Variants in BMPR1B observed in about 807,000 individuals in gnomAD.
The protein encoded by BMPR1B is bone morphogenetic protein receptor type-1B.
A neutral mutation model predicts 59.1 loss-of-function variants in BMPR1B; 12 were observed. The observed-to-expected ratio is 0.20, with a 90% confidence interval of 0.13 to 0.33. BMPR1B has a LOEUF of 0.33. Ranked by LOEUF, BMPR1B falls within the 10% of genes least tolerant of loss-of-function variation. The pLI is 1.00. For synonymous variants in BMPR1B, 237 were observed against 207.3 expected (o/e 1.14, Z -1.23); for missense variants, 550 against 610.9 (o/e 0.90, Z 1.05).
At chr4:94,929,525 CTG>C (rs891773492) in intron 2 of BMPR1B, among the ~76,000 whole-genome samples, 77 of 152,096 alleles carry the variant, frequency 5.1e-4, no homozygotes, top group Non-Finnish European at 2.1e-4. Flanking sequence ...CTTCTCAAAA[CTG>C]TGTTTTCTGG....
chr4:95,133,847 G>A (rs1434121004), intron 10 of BMPR1B, among the ~76,000 whole-genome samples: 1 of 151,352 alleles, frequency 6.6e-6, no homozygotes, highest in Admixed American at 6.6e-5. Context: ...TGGGATTATA[G>A]GCATGAGCCA....
chr4:95,037,356 CT>C (rs1305556876), intron 3 of BMPR1B, among the ~76,000 whole-genome samples: 2 of 152,128 alleles, frequency 1.3e-5, no homozygotes, highest in African/African-American at 4.8e-5. Context: ...AGTATTTTCC[CT>C]GGTAGATGAA....
intron 1 of BMPR1B, among the ~76,000 whole-genome samples, chr4:94,799,961 G>T (rs1723345047): frequency 1.3e-5 from 2 of 151,386 alleles, no homozygotes; most frequent in South Asian, 4.2e-4. Flanking sequence ...AAGTGGTGAG[G>T]TTACAGGCAT....
At chr4:94,914,041 G>A (rs1728386745) in intron 2 of BMPR1B, among the ~76,000 whole-genome samples, 1 of 152,136 alleles carries the variant, frequency 6.6e-6, no homozygotes, top group Admixed American at 6.6e-5. Flanking sequence ...GTGATAGGAA[G>A]GAGGTAGATA....
chr4:95,136,275 G>A (rs1213573108), intron 10 of BMPR1B, among the ~76,000 whole-genome samples: 1 of 152,168 alleles, frequency 6.6e-6, no homozygotes, highest in Non-Finnish European at 1.5e-5. Context: ...GATCATGGTG[G>A]ATAAGCTTTT....
intron 1 of BMPR1B, among the ~76,000 whole-genome samples, chr4:94,841,311 C>G (rs1280802390): frequency 6.7e-6 from 1 of 148,276 alleles, no homozygotes; most frequent in African/African-American, 2.5e-5. Context: ...TTCCTGGCTG[C>G]TTTGTTTACC....
intron 2 of BMPR1B, among the ~76,000 whole-genome samples, chr4:94,883,554 ATAACT>A (rs1393202740): frequency 2.0e-5 from 3 of 152,038 alleles, no homozygotes; most frequent in Non-Finnish European, 4.4e-5. Flanking sequence ...CAGCTCATTA[ATAACT>A]TAATTTGTTT....
chr4:94,910,450 T>C (rs1728229369), intron 2 of BMPR1B, among the ~76,000 whole-genome samples: 1 of 152,114 alleles, frequency 6.6e-6, no homozygotes, highest in Middle Eastern at 3.2e-3. Flanking sequence ...TTGAATTCTT[T>C]CCTGCTATTA....
Position 95,156,048 on chromosome 4 carries a change from A to T in BMPR1B, c.*1375A>T, listed in dbSNP as rs370915593. On this transcript the variant is annotated 3_prime_UTR_variant, in exon 13 of 13. Coordinates refer to ENST00000515059, the MANE Select transcript of BMPR1B (RefSeq NM_001203.3). ...ATTTTATTCTAGTGATGCTCAATTC[A>T]CTATTTAATTTATTATATTTTCTCT... 13 of 152,128 alleles carry T rather than the reference A, an allele frequency of 8.5e-5. No homozygotes were observed. The East Asian group carries it at 2.5e-3, about 29-fold the overall frequency. The allele number at this position is 152,128 out of a possible 1,614,324, so 9.4% of individuals were successfully genotyped here. A position where few individuals can be genotyped will look rare whatever the true frequency, so the allele number is the denominator to read the frequency against.
At chr4:94,794,319 A>G (rs927115338) in intron 1 of BMPR1B, among the ~76,000 whole-genome samples, 2 of 151,724 alleles carry the variant, frequency 1.3e-5, no homozygotes, top group Non-Finnish European at 2.9e-5. Context: ...GTCAAAGATC[A>G]GATAGCTGCA....
chr4:94,938,292 T>G (rs1729392391), intron 2 of BMPR1B, among the ~76,000 whole-genome samples: 1 of 152,046 alleles, frequency 6.6e-6, no homozygotes, highest in South Asian at 2.1e-4. Context: ...GTGAGGAGTT[T>G]GAGACCAGCC....
At chr4:95,066,662 A>G (rs1579019990) in intron 3 of BMPR1B, among the ~76,000 whole-genome samples, 1 of 152,320 alleles carries the variant, frequency 6.6e-6, no homozygotes. Flanking sequence ...ATTTGACTAG[A>G]TAATACTTTT....
At chr4:95,140,055 A>G (rs1734109396) in intron 10 of BMPR1B, among the ~76,000 whole-genome samples, 1 of 152,138 alleles carries the variant, frequency 6.6e-6, no homozygotes, top group Admixed American at 6.5e-5. Flanking sequence ...CTATTCGGCC[A>G]TCTTGTAACT....
chr4:95,146,172 A>G (rs1301564258), intron 10 of BMPR1B, among the ~76,000 whole-genome samples: 1 of 152,184 alleles, frequency 6.6e-6, no homozygotes, highest in African/African-American at 2.4e-5. Flanking sequence ...AGATTTATTC[A>G]GCTACTACTA....
At chr4:95,115,888 C>T in intron 6 of BMPR1B, 101 bp downstream of exon 6, 2 of 1,079,972 alleles carry the variant, frequency 1.9e-6, no homozygotes, top group East Asian at 2.4e-5. Context: ...TACCACTTTC[C>T]ACTGCTGGAG....
chr4:94,965,450 C>G (rs994026020), intron 2 of BMPR1B, among the ~76,000 whole-genome samples: 4 of 152,122 alleles, frequency 2.6e-5, no homozygotes, highest in Non-Finnish European at 2.9e-5. Context: ...AGCTCCCCAT[C>G]CTCCCCACTC....
chr4:95,154,521 C>T (rs1735272613), intron 12 of BMPR1B, 27 bp from the exon 13 acceptor site: 1 of 1,613,934 alleles, frequency 6.2e-7, no homozygotes, highest in African/African-American at 1.3e-5. Flanking sequence ...GCAGATGATA[C>T]ATTTTTCTAA....
At position 94,972,146 on chromosome 4, in the gene BMPR1B, G is replaced by A. The variant is rs373948286; in HGVS notation, c.-112-23894G>A. 1.6e-4 allele frequency among the ~76,000 whole-genome samples: 25 copies of A among 151,548 alleles called. No individual in the cohort carries two copies. In the South Asian group the frequency reaches 4.0e-3, roughly 24 times the overall value. ...TTATTTTTTCTACAATAAATGATGC[G>A]GTAAAGGAAAACTATAATCAATTCA... is the stretch of plus-strand genomic sequence containing the variant. On this transcript the variant is annotated intron_variant, in intron 2 of 12. Transcript: ENST00000515059.
In BMPR1B at chr4:95,083,110, T is replaced by C. The variant is rs558944514; in HGVS notation, c.-17-21298T>C. ...AGAGAGGTTAGAGAATTTATCTTCCTACAACCTCATTTTATTGATAAGGTA... is the reference window on the plus strand; with the variant it reads ...AGAGAGGTTAGAGAATTTATCTTCCCACAACCTCATTTTATTGATAAGGTA... On this transcript the variant is annotated intron_variant, in intron 3 of 12. Coordinates refer to ENST00000515059, the MANE Select transcript of BMPR1B (RefSeq NM_001203.3). Among the ~76,000 whole-genome samples the C allele has an allele frequency of 7.2e-4, 108 of 150,946 alleles. 1 individual carries two copies. The highest frequency in any genetic ancestry group is 2.6e-3 in the African/African-American group (107 of 41,160).
Sources: gnomAD v4.1 joint callset for allele counts (sites outside exome capture counted in the v4.1 genomes callset) on GRCh38, gnomAD v4.1.1 for gene constraint, MANE v1.5 for transcripts, NCBI Gene and HGNC (gene_info 2026-07-23, HGNC 2026-07-21) for gene names.